The following TAB3 variants were observed in gnomAD, a reference collection of about 807,000 sequenced individuals.
TAB3 encodes TGF-beta activated kinase 1 (MAP3K7) binding protein 3, also known as TGF-beta-activated kinase 1 and MAP3K7-binding protein 3.
A neutral mutation model predicts 48.1 loss-of-function variants in TAB3; 18 were observed. The observed-to-expected ratio is 0.37, with a 90% CI of 0.26 to 0.55. The LOEUF is 0.55. Among genes scored for constraint, TAB3 ranks in the 20% least tolerant of loss-of-function variants. TAB3 has a pLI of 0.78. For missense variants in TAB3, 414 were observed against 549.8 expected, an observed-to-expected ratio of 0.75 and a Z score of 2.47; for synonymous variants, 185 against 190.2, an observed-to-expected ratio of 0.97 and a Z score of 0.22.
chrX:30,843,673 A>G (rs1331494138), intron 8 of TAB3: 3 of 112,047 alleles, frequency 2.7e-5, no homozygotes, highest in African/African-American at 9.7e-5. Flanking sequence ...AGATTTATCA[A>G]TGATAAAAGG....
chrX:30,853,019 A>G, intron 6 of TAB3, 81 bp from the exon 7 acceptor site: 1 of 991,779 alleles, frequency 1.0e-6, no homozygotes, highest in Non-Finnish European at 1.4e-6. Context: ...CTGCTAATGT[A>G]TAAAAGACTC....
intron 1 of TAB3, among the ~76,000 whole-genome samples, chrX:30,881,598 C>T (rs933230210): frequency 4.6e-4 from 51 of 111,638 alleles, no homozygotes; most frequent in African/African-American, 1.6e-3. Context: ...TATATCTAGA[C>T]TTAGTGACTA....
In TAB3 at chrX:30,855,055, G is replaced by C. The variant is rs1886033007; in HGVS notation, c.610C>G (p.Pro204Ala). The change falls in exon 6 of 11, where the codon CCT (proline) becomes GCT (alanine). Residue 204 changes from proline (P) to alanine (A), a missense_variant. Transcript: ENST00000288422. ...PITVTVSQNL[P>A]SGQTVPRALQ... ...GCTCTTGGTACAGTCTGTCCAGAAGGGAGGTTCTGGGATACTGTAACAGTA... is the reference window on the plus strand; with the variant it reads ...GCTCTTGGTACAGTCTGTCCAGAAGCGAGGTTCTGGGATACTGTAACAGTA... 8.3e-7 allele frequency: 1 copy of C among 1,209,253 alleles called. No individual in the cohort carries two copies. The highest frequency in any genetic ancestry group is 2.2e-5 in the Admixed American group (1 of 45,698).
chrX:30,878,762 A>C (rs1939918876), intron 1 of TAB3, among the ~76,000 whole-genome samples: 1 of 111,943 alleles, frequency 8.9e-6, no homozygotes, highest in African/African-American at 3.2e-5. Context: ...AAGTTCTCTA[A>C]GGAAAATGTG....
intron 4 of TAB3, among the ~76,000 whole-genome samples, chrX:30,861,375 C>CA (rs752322974): frequency 1.0e-4 from 11 of 109,043 alleles, no homozygotes; most frequent in Admixed American, 2.9e-4. Context: ...GCCATCCCCC[C>CA]ACCCAGCAAA....
intron 6 of TAB3, among the ~76,000 whole-genome samples, chrX:30,853,456 A>G (rs1938935798): frequency 8.9e-6 from 1 of 112,362 alleles, no homozygotes; most frequent in African/African-American, 3.2e-5. Context: ...CCTCTGGGCC[A>G]TCCTCTTTAG....
Position 30,871,766 on chromosome X carries a change from G to A in TAB3, c.-347C>T, listed in dbSNP as rs1400424118. ...TCCAGTTTGACACAACACAATCCAC[G>A]GTCAAAAACTTGAAGAAAAGGCTGA... On this transcript the variant is annotated 5_prime_UTR_variant, in exon 2 of 11. Coordinates refer to ENST00000288422, the MANE Select transcript of TAB3 (RefSeq NM_152787.5). 2 of 111,678 alleles carry A rather than the reference G, an allele frequency of 1.8e-5. No individual in the cohort carries two copies. Among genetic ancestry groups the A allele is most frequent in the Admixed American group, 9.5e-5 (1 of 10,527 alleles). 9.2% of individuals were successfully genotyped at this position (111,678 alleles called of 1,213,427 possible). A position where few individuals can be genotyped will look rare whatever the true frequency, so the allele number is the denominator to read the frequency against.
chrX:30,880,611 C>T (rs1258181537), intron 1 of TAB3, among the ~76,000 whole-genome samples: 1 of 111,488 alleles, frequency 9.0e-6, no homozygotes. Context: ...GCATGCCACA[C>T]AGTGGGAGAA....
At chrX:30,838,597 CTATA>C (rs1165748553) in intron 9 of TAB3, among the ~76,000 whole-genome samples, 2 of 112,521 alleles carry the variant, frequency 1.8e-5, no homozygotes, top group Non-Finnish European at 3.8e-5. Context: ...TACACTGTAT[CTATA>C]TATCAACCTT....
intron 7 of TAB3, among the ~76,000 whole-genome samples, chrX:30,849,115 T>C (rs1938741094): frequency 8.9e-6 from 1 of 112,250 alleles, no homozygotes; most frequent in African/African-American, 3.2e-5. Flanking sequence ...ATTTAGCTGG[T>C]CAACACTTCT....
At chrX:30,838,354 A>G (rs1198378789) in intron 9 of TAB3, among the ~76,000 whole-genome samples, 1 of 111,628 alleles carries the variant, frequency 9.0e-6, no homozygotes, top group Non-Finnish European at 1.9e-5. Flanking sequence ...GATGAGGTCT[A>G]TGTTGCCCAG....
intron 5 of TAB3, among the ~76,000 whole-genome samples, chrX:30,858,706 T>C (rs940308656): frequency 4.5e-5 from 5 of 111,503 alleles, no homozygotes; most frequent in African/African-American, 6.5e-5. Context: ...ACTAAGATCC[T>C]GTGAAGGATT....
intron 1 of TAB3, among the ~76,000 whole-genome samples, chrX:30,872,704 A>G (rs1322115159): frequency 8.9e-5 from 10 of 112,380 alleles, no homozygotes; most frequent in Admixed American, 9.4e-5. Flanking sequence ...CTTTAATTAC[A>G]TAACTAATTC....
chrX:30,874,225 C>A (rs987506374), intron 1 of TAB3, among the ~76,000 whole-genome samples: 1 of 111,942 alleles, frequency 8.9e-6, no homozygotes, highest in Admixed American at 9.4e-5. Flanking sequence ...TTTGACTCTG[C>A]AGGCAGTCAG....
chrX:30,838,192 G>T (rs1938300177), intron 9 of TAB3, among the ~76,000 whole-genome samples: 1 of 111,586 alleles, frequency 9.0e-6, no homozygotes, highest in South Asian at 3.7e-4. Context: ...CAACCTCCTG[G>T]GCTCCAGCAA....
Position 30,854,842 on chromosome X carries a change from A to G in TAB3, c.823T>C (p.Tyr275His). Residue 275 changes from tyrosine to histidine, a missense_variant, in exon 6 of 11, where the codon TAT becomes CAT. Transcript: ENST00000288422. Reference protein sequence around the residue: ...PLPVYPHQQNYQPSQYSPKQQ... With the variant: ...PLPVYPHQQNHQPSQYSPKQQ... The stretch of plus-strand genomic sequence containing the variant: ...TTGGGAGAATACTGAGAAGGCTGAT[A>G]GTTCTGTTGGTGTGGATAAACAGGT... 1 of 1,211,450 alleles carries G rather than the reference A, an allele frequency of 8.3e-7. No individual in the cohort carries two copies. Among genetic ancestry groups the G allele is most frequent in the Non-Finnish European group, 1.1e-6 (1 of 895,416 alleles).
rs1276057336 is a variant in TAB3, at chrX:30,868,383, T to TATA, written c.-279-835_-279-834insTAT. On this transcript the variant is annotated intron_variant, in intron 2 of 10. Coordinates refer to ENST00000288422, the MANE Select transcript of TAB3 (RefSeq NM_152787.5). ...TATATATATATAGCTTATATATATA[T>TATA]AGCTTATATATATATATATAGCTTA... Among the ~76,000 whole-genome samples, 15 of 25,647 alleles carry TATA rather than the reference T, an allele frequency of 5.8e-4. 3 individuals carry two copies. Among genetic ancestry groups the TATA allele is most frequent in the African/African-American group, 3.0e-3 (13 of 4,392 alleles). 22.3% of individuals were successfully genotyped at this position (25,647 alleles called of 115,157 possible).
chrX:30,834,707 A>C (rs754239956), intron 9 of TAB3: 1 of 110,855 alleles, frequency 9.0e-6, no homozygotes, highest in African/African-American at 3.3e-5. Flanking sequence ...TGCAGCCTTG[A>C]TCTCCTGGGC....
intron 1 of TAB3, among the ~76,000 whole-genome samples, chrX:30,873,503 C>A (rs1190254436): frequency 1.0e-5 from 1 of 99,033 alleles, no homozygotes; most frequent in Non-Finnish European, 2.0e-5. Flanking sequence ...CCCGCCTGGG[C>A]GACAGAACGA....
Sources: allele counts gnomAD v4.1 joint callset (sites outside exome capture counted in the v4.1 genomes callset), GRCh38; gene constraint gnomAD v4.1.1; transcripts MANE v1.5; gene names NCBI Gene and HGNC (gene_info 2026-07-23, HGNC 2026-07-21).